The following PDCD6 variants were observed in gnomAD, a reference collection of about 807,000 sequenced individuals.
PDCD6 encodes the protein programmed cell death protein 6.
In PDCD6, 12 loss-of-function variants were observed where a neutral mutation model predicts 28.3. The observed-to-expected ratio is 0.42, with a 90% confidence interval of 0.27 to 0.69. The LOEUF is 0.69. Ranked by LOEUF, PDCD6 falls within the 30% of genes least tolerant of loss-of-function variation. The pLI, the probability that PDCD6 is intolerant of heterozygous loss-of-function variation, is 0.22. For missense variants in PDCD6, 226 were observed against 269.9 expected, an observed-to-expected ratio of 0.84 and a Z score of 1.14; for synonymous variants, 92 against 108.0, an observed-to-expected ratio of 0.85 and a Z score of 0.92.
intron 2 of PDCD6, among the ~76,000 whole-genome samples, chr5:299,670 C>CT (rs1163791014): frequency 6.6e-6 from 1 of 151,978 alleles, no homozygotes; most frequent in Non-Finnish European, 1.5e-5. Flanking sequence ...CTGCCTCAGC[C>CT]CCCCGAGTAG....
chr5:281,263 A>G (rs1738545580), intron 2 of PDCD6, among the ~76,000 whole-genome samples: 1 of 152,256 alleles, frequency 6.6e-6, no homozygotes. Flanking sequence ...TGAATTTCGT[A>G]AGAAGGGATT....
At chr5:292,539 A>G (rs1479378349) in intron 2 of PDCD6, among the ~76,000 whole-genome samples, 1 of 152,200 alleles carries the variant, frequency 6.6e-6, no homozygotes, top group East Asian at 1.9e-4. Context: ...GATTACAGGC[A>G]TGAGCCACCA....
At chr5:298,084 T>C (rs924925520) in intron 2 of PDCD6, among the ~76,000 whole-genome samples, 4 of 152,272 alleles carry the variant, frequency 2.6e-5, no homozygotes, top group East Asian at 1.9e-4. Context: ...GCTATCGATA[T>C]CAGGGAGTAA....
rs1357927165 is a variant in PDCD6 at position 307,859 on chromosome 5, G to A, written c.367+1099G>A. ...CTTTCTCTTTTCTTTCTCACCTTAC[G>A]AGCTTGTCCACAGGGCCGGGGGTGG... On this transcript the variant is annotated intron_variant, in intron 4 of 5. Coordinates refer to ENST00000264933, the MANE Select transcript of PDCD6 (RefSeq NM_013232.4). The surrounding 1 kb of genome is among the most constrained non-coding windows in gnomAD (Gnocchi z 6.1). 4.6e-5 allele frequency among the ~76,000 whole-genome samples: 7 copies of A among 152,114 alleles called. No individual in the cohort carries two copies. Among genetic ancestry groups the A allele is most frequent in the South Asian group, 4.2e-4 (2 of 4,814 alleles).
At chr5:300,353 C>G (rs62329990) in intron 2 of PDCD6, among the ~76,000 whole-genome samples, 1 of 150,924 alleles carries the variant, frequency 6.6e-6, no homozygotes, top group South Asian at 2.1e-4. Context: ...TGGAGGAATC[C>G]GGCGCACCCT....
chr5:274,312 G>A (rs1561027977), intron 2 of PDCD6, among the ~76,000 whole-genome samples: 2 of 152,186 alleles, frequency 1.3e-5, no homozygotes, highest in East Asian at 1.9e-4. Context: ...TTTAGGTTTA[G>A]TTTTAGGTTT....
chr5:277,301 A>ATTTTTTT (rs74799424), intron 2 of PDCD6, among the ~76,000 whole-genome samples: 2 of 86,198 alleles, frequency 2.3e-5, no homozygotes, highest in Non-Finnish European at 4.3e-5. Context: ...AATTTTTTGT[A>ATTTTTTT]TTTTTTTTTT....
chr5:291,820 A>G (rs73024179), intron 2 of PDCD6, among the ~76,000 whole-genome samples: 14,640 of 152,224 alleles, frequency 0.096, 2,286 homozygotes, highest in African/African-American at 0.33. Flanking sequence ...GTGTTTGGCC[A>G]GGTTGGGGCC....
Position 311,352 on chromosome 5 carries a change from C to G in PDCD6, c.427C>G (p.Arg143Gly). 6.2e-7 allele frequency: 1 copy of G among 1,613,958 alleles called. No individual in the cohort carries two copies. Among genetic ancestry groups the G allele is most frequent in the South Asian group, 1.1e-5 (1 of 91,070 alleles). ...ILIRKFDRQG[R>G]GQIAFDDFIQ... Reference sequence around the variant, plus strand: ...CATTCGAAAGTTTGACAGGCAGGGACGGGGGCAGATTGCCTTCGACGACTT... The same window carrying G: ...CATTCGAAAGTTTGACAGGCAGGGAGGGGGGCAGATTGCCTTCGACGACTT... The change falls in exon 5 of 6, where the codon CGG becomes GGG. Residue 143 changes from arginine (R) to glycine (G), a missense_variant. This residue lies in a region of PDCD6 where 151 missense variants were observed against 177.2 expected (regional missense o/e 0.85). Transcript: ENST00000264933.
chr5:313,357 A>G (rs895357529), intron 5 of PDCD6, among the ~76,000 whole-genome samples: 2 of 152,210 alleles, frequency 1.3e-5, no homozygotes, highest in Admixed American at 1.3e-4. Flanking sequence ...AAAATTACCC[A>G]TTACTCTTTA....
intron 2 of PDCD6, among the ~76,000 whole-genome samples, chr5:296,246 C>G (rs1739602455): frequency 6.6e-6 from 1 of 152,242 alleles, no homozygotes; most frequent in South Asian, 2.1e-4. Context: ...ACGACACCTG[C>G]TGCTCGACCC....
chr5:284,807 C>T (rs1738832891), intron 2 of PDCD6, among the ~76,000 whole-genome samples: 1 of 149,782 alleles, frequency 6.7e-6, no homozygotes, highest in African/African-American at 2.5e-5. Context: ...AGTTTGAGGG[C>T]CATACAACTG....
Position 271,734 on chromosome 5 carries a change from C to T in PDCD6, c.14C>T (p.Ser5Phe). 1.3e-6 allele frequency: 2 copies of T among 1,537,738 alleles called. No individual in the cohort carries two copies. Among genetic ancestry groups the T allele is most frequent in the Admixed American group, 1.9e-5 (1 of 52,314 alleles). MAAY[S>F]YRPGPGAGPG... Reference sequence around the variant, plus strand: ...GTGCCTTGGCCCATGGCCGCCTACTCTTACCGCCCCGGCCCTGGGGCCGGC... The same window carrying T: ...GTGCCTTGGCCCATGGCCGCCTACTTTTACCGCCCCGGCCCTGGGGCCGGC... The change falls in exon 1 of 6, where the codon TCT becomes TTT. Residue 5 changes from serine to phenylalanine, a missense_variant. By Grantham distance (155) the Ser-to-Phe change is radical. This residue lies in a region of PDCD6 where 72 missense variants were observed against 71.4 expected (regional missense o/e 1.01). Transcript: ENST00000264933.
chr5:314,545 A>C lies in PDCD6; in HGVS notation c.*30A>C, dbSNP rs375697789. On this transcript the variant is annotated 3_prime_UTR_variant, in exon 6 of 6. Coordinates refer to ENST00000264933, the MANE Select transcript of PDCD6 (RefSeq NM_013232.4). ...GGCCTCTCGTGAAGAGCAGCACAAC[A>C]TGGAAAGAGCCAAAATGTCACAGTT... 11 of 1,489,904 alleles carry C rather than the reference A, an allele frequency of 7.4e-6. No individual in the cohort carries two copies. The highest frequency in any genetic ancestry group is 1.0e-5 in the Non-Finnish European group (11 of 1,067,556). The allele number at this position is 1,489,904 out of a possible 1,614,324, so 92.3% of individuals were successfully genotyped here.
intron 2 of PDCD6, among the ~76,000 whole-genome samples, chr5:277,897 A>G (rs1028912600): frequency 7.2e-6 from 1 of 138,866 alleles, no homozygotes; most frequent in Non-Finnish European, 1.5e-5. Flanking sequence ...CCTGGGGGGC[A>G]GTGAGACTCC....
At chr5:300,563 C>T (rs1057023915) in intron 2 of PDCD6, among the ~76,000 whole-genome samples, 2 of 152,244 alleles carry the variant, frequency 1.3e-5, no homozygotes, top group Non-Finnish European at 2.9e-5. Context: ...ACTCCATGGC[C>T]TTGGGCAAAG....
rs555569446 is a variant in PDCD6, at chr5:291,858, T to C, written c.164-12319T>C. 7.2e-5 allele frequency among the ~76,000 whole-genome samples: 11 copies of C among 152,352 alleles called. No individual in the cohort carries two copies. In the East Asian group the frequency reaches 2.1e-3, roughly 29 times the overall value. On this transcript the variant is annotated intron_variant, in intron 2 of 5. Coordinates refer to ENST00000264933, the MANE Select transcript of PDCD6 (RefSeq NM_013232.4). Reference sequence around the variant, plus strand: ...GAGGACTGTGTTTTGTTGGGAACGTTCTTGGGCGTTTCTTTTGTACACAAG... The same window carrying C: ...GAGGACTGTGTTTTGTTGGGAACGTCCTTGGGCGTTTCTTTTGTACACAAG...
intron 2 of PDCD6, among the ~76,000 whole-genome samples, chr5:291,589 A>C (rs1739317269): frequency 7.0e-6 from 1 of 143,710 alleles, no homozygotes; most frequent in Non-Finnish European, 1.5e-5. Context: ...AGACCCACCC[A>C]CACTGACGTG....
At chr5:300,036 G>C (rs1004194999) in intron 2 of PDCD6, among the ~76,000 whole-genome samples, 1 of 152,142 alleles carries the variant, frequency 6.6e-6, no homozygotes, top group Non-Finnish European at 1.5e-5. Context: ...ATTGCCCCTG[G>C]TGATGGAGCA....
Sources: allele counts gnomAD v4.1 joint callset (sites outside exome capture counted in the v4.1 genomes callset), GRCh38; gene constraint gnomAD v4.1.1; regional missense constraint gnomAD v4.1.1; non-coding constraint Gnocchi (gnomAD v3.1); transcripts MANE v1.5; gene names NCBI Gene and HGNC (gene_info 2026-07-23, HGNC 2026-07-21).